The following CPNE4 variants were observed in gnomAD, a reference collection of about 807,000 sequenced individuals.
CPNE4 encodes the protein copine 4, also known as copine-4.
Under a neutral mutation model 67.9 loss-of-function variants are expected in CPNE4, and 25 were observed. That is an observed-to-expected ratio of 0.37 (90% CI 0.27 to 0.51). CPNE4 has a LOEUF of 0.51. Ranked by LOEUF, CPNE4 falls within the 20% of genes least tolerant of loss-of-function variation. The probability of loss-of-function intolerance (pLI) is 0.93; values close to 1 mark genes in which losing one functional copy is unlikely to be tolerated. For synonymous variants in CPNE4, 242 were observed against 244.9 expected (o/e 0.99, Z 0.11); for missense variants, 464 against 690.8 (o/e 0.67, Z 3.68).
intron 2 of CPNE4, among the ~76,000 whole-genome samples, chr3:131,789,075 A>G (rs1410577636): frequency 6.6e-6 from 1 of 151,490 alleles, no homozygotes; most frequent in East Asian, 1.9e-4. Context: ...CTTTTACATA[A>G]GAGGCTAATA....
chr3:131,684,019 A>G (rs1416000457), intron 6 of CPNE4, among the ~76,000 whole-genome samples: 1 of 152,064 alleles, frequency 6.6e-6, no homozygotes, highest in Non-Finnish European at 1.5e-5. Context: ...CACAGCCACT[A>G]CCAAGCGGAT....
intron 2 of CPNE4, among the ~76,000 whole-genome samples, chr3:131,831,169 A>C (rs1237471078): frequency 6.6e-5 from 10 of 152,092 alleles, no homozygotes; most frequent in Admixed American, 5.9e-4. Context: ...GGTGCAAGAA[A>C]AACATTGTCA....
At chr3:131,586,180 T>C (rs538940991) in intron 8 of CPNE4, among the ~76,000 whole-genome samples, 71 of 152,286 alleles carry the variant, frequency 4.7e-4, no homozygotes, top group African/African-American at 1.6e-3. Context: ...AAAAAGACTT[T>C]CTCAAAAGCA....
Position 131,991,385 on chromosome 3 carries a change from C to A in CPNE4, c.-2+43182G>T, listed in dbSNP as rs561938350. ...CTGATAATGATATGGACAATGAAAT[C>A]CAGGCTAAGGTGGTCTAAAATGGAG... On this transcript the variant is annotated intron_variant, in intron 1 of 15. Transcript: ENST00000429747. 1.2e-4 allele frequency among the ~76,000 whole-genome samples: 16 copies of A among 136,276 alleles called. 3 individuals carry two copies. Among genetic ancestry groups the A allele is most frequent in the African/African-American group, 3.2e-4 (13 of 40,762 alleles). The allele number at this position is 136,276 out of a possible 152,430, so 89.4% of individuals were successfully genotyped here. A position where few individuals can be genotyped will look rare whatever the true frequency, so the allele number is the denominator to read the frequency against.
At chr3:131,951,116 CA>C (rs2071708294) in intron 1 of CPNE4, among the ~76,000 whole-genome samples, 2 of 152,096 alleles carry the variant, frequency 1.3e-5, no homozygotes, top group Non-Finnish European at 2.9e-5. Flanking sequence ...ACCAATATTA[CA>C]GGATAATTTG....
At chr3:131,749,628 A>G (rs997298836) in intron 2 of CPNE4, among the ~76,000 whole-genome samples, 2 of 151,948 alleles carry the variant, frequency 1.3e-5, no homozygotes, top group African/African-American at 4.8e-5. Flanking sequence ...GTAATTTGAA[A>G]CTGTTGTTTC....
intron 11 of CPNE4, among the ~76,000 whole-genome samples, chr3:131,559,267 C>A (rs1351557465): frequency 1.3e-5 from 2 of 151,912 alleles, no homozygotes; most frequent in African/African-American, 2.4e-5. Context: ...AGTAATACTG[C>A]TAGACAAGTT....
intron 15 of CPNE4, among the ~76,000 whole-genome samples, chr3:131,538,097 T>C (rs1460818606): frequency 6.6e-6 from 1 of 152,190 alleles, no homozygotes; most frequent in Non-Finnish European, 1.5e-5. Flanking sequence ...TTAAAAACCA[T>C]TTATGTAATC....
At chr3:131,612,367 G>T (rs986395479) in intron 7 of CPNE4, among the ~76,000 whole-genome samples, 1 of 151,868 alleles carries the variant, frequency 6.6e-6, no homozygotes, top group Non-Finnish European at 1.5e-5. Flanking sequence ...GAGTGGGACT[G>T]TGTGTCAAAA....
chr3:131,773,228 G>T (rs1422864123), intron 2 of CPNE4, among the ~76,000 whole-genome samples: 1 of 152,052 alleles, frequency 6.6e-6, no homozygotes, highest in Non-Finnish European at 1.5e-5. Context: ...GAATATAAGG[G>T]ATTTAAGGAA....
chr3:132,008,301 G>C (rs2073659674), intron 1 of CPNE4, among the ~76,000 whole-genome samples: 1 of 152,098 alleles, frequency 6.6e-6, no homozygotes, highest in South Asian at 2.1e-4. Flanking sequence ...TTCTAGAGCA[G>C]ACTTGGTATC....
chr3:131,936,160 C>T (rs6797557), intron 1 of CPNE4, among the ~76,000 whole-genome samples: 64,120 of 151,506 alleles, frequency 0.42, 13,951 homozygotes, highest in East Asian at 0.57. Flanking sequence ...TCCATTTTTA[C>T]TGGGACTAGA....
intron 1 of CPNE4, among the ~76,000 whole-genome samples, chr3:131,995,368 C>G (rs996571733): frequency 6.6e-6 from 1 of 152,112 alleles, no homozygotes; most frequent in African/African-American, 2.4e-5. Flanking sequence ...TCATGTGTCT[C>G]TAAAAGATAA....
chr3:131,802,489 AT>A (rs2084168249), intron 2 of CPNE4, among the ~76,000 whole-genome samples: 1 of 152,156 alleles, frequency 6.6e-6, no homozygotes, highest in Non-Finnish European at 1.5e-5. Flanking sequence ...GCCCAGCTGC[AT>A]TTTCTGTGTT....
chr3:131,691,528 G>A (rs181770703), intron 5 of CPNE4, among the ~76,000 whole-genome samples: 2 of 152,202 alleles, frequency 1.3e-5, no homozygotes, highest in East Asian at 3.9e-4. Context: ...AACAGTGGAC[G>A]ATGGTGACTA....
intron 1 of CPNE4, among the ~76,000 whole-genome samples, chr3:131,999,437 G>C (rs2073373658): frequency 6.6e-6 from 1 of 151,874 alleles, no homozygotes; most frequent in Middle Eastern, 3.2e-3. Flanking sequence ...TTTAGTGAAT[G>C]AGCCTTATGC....
intron 2 of CPNE4, among the ~76,000 whole-genome samples, chr3:131,871,253 G>A (rs1054284640): frequency 7.2e-5 from 11 of 152,164 alleles, no homozygotes; most frequent in African/African-American, 2.7e-4. Flanking sequence ...TGGAACAGGA[G>A]AATGACTTCC....
At chr3:131,641,372 A>G (rs2079536278) in intron 7 of CPNE4, among the ~76,000 whole-genome samples, 1 of 152,240 alleles carries the variant, frequency 6.6e-6, no homozygotes, top group African/African-American at 2.4e-5. Context: ...GACAATTCTC[A>G]AAAGAAGATA....
At chr3:131,912,111 A>T (rs926007966) in intron 1 of CPNE4, among the ~76,000 whole-genome samples, 4 of 152,182 alleles carry the variant, frequency 2.6e-5, no homozygotes, top group African/African-American at 9.7e-5. Context: ...CCTTGGGGAG[A>T]CTAATGTCTG....
Sources: allele counts gnomAD v4.1 joint callset (sites outside exome capture counted in the v4.1 genomes callset), GRCh38; gene constraint gnomAD v4.1.1; transcripts MANE v1.5; gene names NCBI Gene and HGNC (gene_info 2026-07-23, HGNC 2026-07-21).